Variants in DYNC2H1 observed in about 807,000 individuals in gnomAD.
The protein encoded by DYNC2H1 is dynein cytoplasmic 2 heavy chain 1.
DYNC2H1 carries 410 observed loss-of-function variants against 570.0 expected under a neutral mutation model. That is an observed-to-expected ratio of 0.72 (90% CI 0.66 to 0.78). DYNC2H1 has a LOEUF of 0.78. Among genes scored for constraint, DYNC2H1 ranks in the 30% least tolerant of loss-of-function variants. DYNC2H1 has a pLI of 0.00. For synonymous variants in DYNC2H1, 1,688 were observed against 1,677.6 expected, an observed-to-expected ratio of 1.01 and a Z score of -0.15; for missense variants, 4,865 against 5,046.4, an observed-to-expected ratio of 0.96 and a Z score of 1.09.
intron 85 of DYNC2H1, among the ~76,000 whole-genome samples, chr11:103,449,128 C>T (rs1944517323): frequency 6.6e-6 from 1 of 152,088 alleles, no homozygotes; most frequent in African/African-American, 2.4e-5. Context: ...GCAGAGGGAA[C>T]AGCAAGTGCC....
chr11:103,321,483 G>C (rs1938194553), intron 81 of DYNC2H1, among the ~76,000 whole-genome samples: 4 of 152,064 alleles, frequency 2.6e-5, no homozygotes, highest in Admixed American at 2.6e-4. Context: ...GATCTTGAAG[G>C]GAGTGGCCAA....
At chr11:103,341,310 CA>C (rs1472940337) in intron 82 of DYNC2H1, among the ~76,000 whole-genome samples, 1 of 152,176 alleles carries the variant, frequency 6.6e-6, no homozygotes, top group Non-Finnish European at 1.5e-5. Flanking sequence ...GATCACTTAA[CA>C]GCTTTTTTCT....
rs1285875834 is a variant in DYNC2H1, at chr11:103,203,680, T to C, written c.8215T>C (p.Tyr2739His). ...TTCTGTAGGTGAAGTTCCTGGACTC[T>C]ATACTCTTGAAGAATTAGAGCCCTT... ...LLSSGEVPGL[Y>H]TLEELEPLLL... The change falls in exon 51 of 89, where the codon TAT (tyrosine) becomes CAT (histidine). Residue 2739 changes from tyrosine (Y) to histidine (H), a missense_variant. Tyr to His is a moderately conservative substitution (Grantham distance 83). Coordinates refer to ENST00000375735, the MANE Select transcript of DYNC2H1 (RefSeq NM_001377.3). The surrounding 1 kb of genome is among the most constrained non-coding windows in gnomAD (Gnocchi z 4.7). The C allele has an allele frequency of 1.2e-6, 2 of 1,610,264 alleles. No individual in the cohort carries two copies. Among genetic ancestry groups the C allele is most frequent in the Admixed American group, 1.7e-5 (1 of 59,630 alleles).
chr11:103,399,766 T>C lies in DYNC2H1; in HGVS notation c.12260T>C (p.Val4087Ala). 1 of 1,613,944 alleles carries C rather than the reference T, an allele frequency of 6.2e-7. No individual in the cohort carries two copies. Among genetic ancestry groups the C allele is most frequent in the Non-Finnish European group, 8.5e-7 (1 of 1,179,848 alleles). ...ILEQFNAIRL[V>A]QSVHQSLAAL... ...GAACAATTTAATGCTATTCGTTTAG[T>C]ACAAAGTGTCCACCAGTCTCTTGCT... The change falls in exon 84 of 89, where the codon GTA becomes GCA. Residue 4087 changes from valine to alanine, a missense_variant. Physicochemically the swap from Val to Ala is moderately conservative, Grantham distance 64. Transcript: ENST00000375735.
At chr11:103,478,283 C>G (rs1565634125) in intron 88 of DYNC2H1, among the ~76,000 whole-genome samples, 1 of 151,996 alleles carries the variant, frequency 6.6e-6, no homozygotes, top group East Asian at 1.9e-4. Flanking sequence ...ATGAACTGCA[C>G]CTCATGGTAA....
chr11:103,233,482 A>G (rs543693184), intron 60 of DYNC2H1, among the ~76,000 whole-genome samples: 1 of 152,054 alleles, frequency 6.6e-6, no homozygotes, highest in East Asian at 1.9e-4. Flanking sequence ...GATTATATAT[A>G]ATGTACTAAA....
intron 83 of DYNC2H1, among the ~76,000 whole-genome samples, chr11:103,389,810 A>C (rs2135601971): frequency 6.6e-6 from 1 of 151,984 alleles, no homozygotes; most frequent in Non-Finnish European, 1.5e-5. Flanking sequence ...AGTGGTTTTG[A>C]GTGAGTTTCT....
At chr11:103,463,519 G>A (rs1945091099) in intron 87 of DYNC2H1, among the ~76,000 whole-genome samples, 1 of 152,142 alleles carries the variant, frequency 6.6e-6, no homozygotes. Context: ...GGAGGCTGAG[G>A]CAAGCAGATC....
intron 84 of DYNC2H1, among the ~76,000 whole-genome samples, chr11:103,429,244 G>C (rs777328363): frequency 1.4e-5 from 2 of 142,394 alleles, no homozygotes; most frequent in Non-Finnish European, 3.0e-5. Context: ...CTGGGTGACA[G>C]AGTGAGACCC....
intron 31 of DYNC2H1, among the ~76,000 whole-genome samples, chr11:103,166,990 C>CTTTTTTTTTTTTTTTTTTTTTTTTTTT (rs34816989): frequency 1.8e-5 from 1 of 56,992 alleles, no homozygotes; most frequent in Non-Finnish European, 3.0e-5. Flanking sequence ...GAGGCGCTGC[C>CTTTTTTTTTTTTTTTTTTTTTTTTTTT]TTTTTTTTTT....
At chr11:103,174,844 C>T (rs937424586) in intron 36 of DYNC2H1, among the ~76,000 whole-genome samples, 1 of 144,994 alleles carries the variant, frequency 6.9e-6, no homozygotes, top group Non-Finnish European at 1.5e-5. Flanking sequence ...TTTCTACCCT[C>T]CTGGCTTTAT....
chr11:103,161,155 T>G, intron 29 of DYNC2H1, 111 bp downstream of exon 29: 2 of 526,526 alleles, frequency 3.8e-6, no homozygotes, highest in Non-Finnish European at 6.5e-6. Flanking sequence ...TTTAGGTATT[T>G]TAGGAAACTC....
chr11:103,330,351 AAC>A (rs1263540641), intron 82 of DYNC2H1, among the ~76,000 whole-genome samples: 3 of 151,992 alleles, frequency 2.0e-5, no homozygotes, highest in African/African-American at 7.2e-5. Context: ...GTAAATGAGA[AAC>A]ACTTTAAAAT....
chr11:103,258,094 T>C (rs1184960593), intron 69 of DYNC2H1, among the ~76,000 whole-genome samples: 2 of 152,206 alleles, frequency 1.3e-5, no homozygotes, highest in African/African-American at 4.8e-5. Context: ...ACATTTAACA[T>C]TTTATTATAT....
At chr11:103,301,063 A>G (rs548604743) in intron 75 of DYNC2H1, among the ~76,000 whole-genome samples, 1 of 152,040 alleles carries the variant, frequency 6.6e-6, no homozygotes, top group Admixed American at 6.6e-5. Context: ...GTTTCTATGT[A>G]TGCCTTTGCT....
chr11:103,456,987 T>C (rs1186682635), intron 87 of DYNC2H1, among the ~76,000 whole-genome samples: 4 of 152,220 alleles, frequency 2.6e-5, no homozygotes, highest in African/African-American at 9.6e-5. Flanking sequence ...TATGTGCAAA[T>C]AGTCATGCAC....
intron 85 of DYNC2H1, among the ~76,000 whole-genome samples, chr11:103,452,054 T>C (rs1465296367): frequency 6.6e-6 from 1 of 152,146 alleles, no homozygotes; most frequent in African/African-American, 2.4e-5. Context: ...TCCTCCATTA[T>C]GGAATAAAAT....
intron 85 of DYNC2H1, among the ~76,000 whole-genome samples, chr11:103,449,980 C>T (rs1341990170): frequency 6.6e-6 from 1 of 151,996 alleles, no homozygotes; most frequent in Non-Finnish European, 1.5e-5. Context: ...AATATAAATA[C>T]ACAAATAAGT....
In DYNC2H1 at chr11:103,152,112, TG is replaced by T. The variant is rs1268575569; in HGVS notation, c.2947-23del. ...TGATAAAATAGGTTGTTATTCAATT[TG>T]TTTTTTTTTTTTTAACCTTTAGATT... On this transcript the variant is annotated intron_variant, in intron 20 of 88. Transcript: ENST00000375735. 14 of 1,375,366 alleles carry T rather than the reference TG, an allele frequency of 1.0e-5. No individual in the cohort carries two copies. In the South Asian group the frequency reaches 1.6e-4, roughly 15 times the overall value. 85.2% of individuals were successfully genotyped at this position (1,375,366 alleles called of 1,614,324 possible). A position where few individuals can be genotyped will look rare whatever the true frequency, so the allele number is the denominator to read the frequency against.
Sources: allele counts gnomAD v4.1 joint callset (sites outside exome capture counted in the v4.1 genomes callset), GRCh38; gene constraint gnomAD v4.1.1; non-coding constraint Gnocchi (gnomAD v3.1); transcripts MANE v1.5; gene names NCBI Gene and HGNC (gene_info 2026-07-23, HGNC 2026-07-21).